The following STAR variants were observed in gnomAD, a reference collection of about 807,000 sequenced individuals.
The protein encoded by STAR is steroidogenic acute regulatory protein, also known as steroidogenic acute regulatory protein, mitochondrial.
STAR carries 32 observed loss-of-function variants against 32.3 expected under a neutral mutation model. That is an observed-to-expected ratio of 0.99 (90% CI 0.75 to 1.33). The LOEUF (loss-of-function observed/expected upper bound fraction) is 1.33. Among genes scored for constraint, STAR ranks in the 40% most tolerant of loss-of-function variants. The pLI is 0.00. For synonymous variants in STAR, 134 were observed against 140.5 expected, an observed-to-expected ratio of 0.95 and a Z score of 0.33; for missense variants, 375 against 379.0, an observed-to-expected ratio of 0.99 and a Z score of 0.09.
intron 6 of STAR, 23 bp downstream of exon 6, chr8:38,145,199 G>C (rs759689668): frequency 6.2e-7 from 1 of 1,613,780 alleles, no homozygotes; most frequent in African/African-American, 1.3e-5. Flanking sequence ...CTGCCTTCCA[G>C]GTCCCCCTCC....
chr8:38,145,791 C>T (rs1393319087), intron 5 of STAR, 172 bp downstream of exon 5: 1 of 795,128 alleles, frequency 1.3e-6, no homozygotes. Context: ...CAAGTAGGGC[C>T]TATCTTGTCT....
chr8:38,149,989 C>T (rs1364793813), intron 1 of STAR, among the ~76,000 whole-genome samples: 1 of 152,034 alleles, frequency 6.6e-6, no homozygotes, highest in Admixed American at 6.6e-5. Flanking sequence ...GGCGTGGTGG[C>T]ATGCACCTGT....
At position 38,148,191 on chromosome 8, in the gene STAR, G is replaced by T; in HGVS notation, c.306+9C>A. 6.2e-7 allele frequency: 1 copy of T among 1,613,842 alleles called. No individual in the cohort carries two copies. Among genetic ancestry groups the T allele is most frequent in the South Asian group, 1.1e-5 (1 of 90,986 alleles). On this transcript the variant is annotated intron_variant, in intron 3 of 6. Coordinates refer to ENST00000276449, the MANE Select transcript of STAR (RefSeq NM_000349.3). ...ATGGAGGAACCACAGGCTTCTCCCC[G>T]ACACTTACCTGCTGACTCTCCTTCT...
intron 6 of STAR, 133 bp from the exon 7 acceptor site, chr8:38,144,519 C>T (rs1179900383): frequency 2.6e-6 from 4 of 1,512,202 alleles, no homozygotes; most frequent in African/African-American, 1.4e-5. Flanking sequence ...TGGAGTTGCC[C>T]AGTCAAGGGC....
Position 38,146,070 on chromosome 8 carries a change from G to A in STAR, c.543C>T (p.Pro181=), listed in dbSNP as rs1300807840. The A allele has an allele frequency of 3.7e-6, 6 of 1,614,112 alleles. No homozygotes were observed. The East Asian group carries it at 6.7e-5, about 18-fold the overall frequency. The change falls in exon 5 of 7, where the codon CCC becomes CCT. Residue 181 remains proline, a synonymous_variant. Coordinates refer to ENST00000276449, the MANE Select transcript of STAR (RefSeq NM_000349.3). ...AAEAAGNLVG[P]RDFVSVRCAK... is the part of the protein sequence containing the mutation. ...CACAGCGCACGCTCACAAAGTCACG[G>A]GGCCCCACCAGGTTTCCTGCTGCCT...
At chr8:38,149,055 A>C (rs564647421) in intron 1 of STAR, 1 of 413,322 alleles carries the variant, frequency 2.4e-6, no homozygotes, top group South Asian at 2.3e-5. Flanking sequence ...AGCTGTGTTC[A>C]AGCAACCAGA....
intron 3 of STAR, among the ~76,000 whole-genome samples, chr8:38,146,886 A>C (rs1012592986): frequency 6.6e-6 from 1 of 151,890 alleles, no homozygotes; most frequent in African/African-American, 2.4e-5. Flanking sequence ...GAAGCCTGGA[A>C]CTGTCCTAAG....
intron 1 of STAR, chr8:38,149,161 G>A: frequency 8.3e-6 from 2 of 240,536 alleles, no homozygotes; most frequent in South Asian, 5.5e-5. Flanking sequence ...TGAGGTCTGT[G>A]TGCTTGCCAG....
Position 38,145,579 on chromosome 8 carries a change from A to G in STAR, c.651-264T>C, listed in dbSNP as rs1008022846. 14 of 579,350 alleles carry G rather than the reference A, an allele frequency of 2.4e-5. No individual in the cohort carries two copies. In the African/African-American group the frequency reaches 2.4e-4, roughly 10 times the overall value. The allele number at this position is 579,350 out of a possible 1,614,324, so 35.9% of individuals were successfully genotyped here. Reference sequence around the variant, plus strand: ...GGATTACTGGGATGTCAGGGAAAGGATTCAGGCTGGTGGCTGGGCTGGGGC... The same window carrying G: ...GGATTACTGGGATGTCAGGGAAAGGGTTCAGGCTGGTGGCTGGGCTGGGGC... On this transcript the variant is annotated intron_variant, in intron 5 of 6. Coordinates refer to ENST00000276449, the MANE Select transcript of STAR (RefSeq NM_000349.3).
intron 1 of STAR, chr8:38,149,213 T>G (rs183534603): frequency 4.8e-6 from 1 of 208,160 alleles, no homozygotes; most frequent in East Asian, 1.2e-4. Flanking sequence ...GTCTGTGTGC[T>G]TGCATGCATA....
chr8:38,145,680 T>G (rs577867662), intron 5 of STAR: 60 of 571,774 alleles, frequency 1.0e-4, no homozygotes, highest in African/African-American at 1.0e-3. Flanking sequence ...TTACAGCTGT[T>G]CCTGAGCGTA....
At chr8:38,145,110 C>T in intron 6 of STAR, 112 bp downstream of exon 6, 2 of 1,556,308 alleles carry the variant, frequency 1.3e-6, no homozygotes, top group Admixed American at 3.8e-5. Context: ...GTCTTACAGC[C>T]TGTGATTCTA....
rs201419375 is a variant in STAR at position 38,146,381 on chromosome 8, C to T, written c.373G>A (p.Val125Met). The change falls in exon 4 of 7, where the codon GTG becomes ATG. Residue 125 changes from valine (V) to methionine (M), a missense_variant. Physicochemically the swap from Val to Met is conservative, Grantham distance 21 (BLOSUM62 1). Transcript: ENST00000276449. ...AGCCTCTCCATGGGCTGGTCCACCA[C>T]GACCTCCAGCCGGAACACCTTGCCC... Reference protein sequence around the residue: ...DVGKVFRLEVVVDQPMERLYE... With the variant: ...DVGKVFRLEVMVDQPMERLYE... The T allele has an allele frequency of 6.6e-5, 106 of 1,614,138 alleles. No homozygotes were observed. Among genetic ancestry groups the T allele is most frequent in the Non-Finnish European group, 8.1e-5 (95 of 1,180,040 alleles).
chr8:38,145,204 C>G lies in STAR; in HGVS notation c.744+18G>C. ...TCACTACCACCTGCCTTCCAGGTCC[C>G]CCTCCCATGCCCTTCACCTTGAGGT... On this transcript the variant is annotated intron_variant, in intron 6 of 6. Transcript: ENST00000276449. The G allele has an allele frequency of 6.2e-7, 1 of 1,614,054 alleles. No homozygotes were observed. Among genetic ancestry groups the G allele is most frequent in the Non-Finnish European group, 8.5e-7 (1 of 1,180,002 alleles).
At chr8:38,147,913 G>A (rs1802601544) in intron 3 of STAR, among the ~76,000 whole-genome samples, 1 of 152,210 alleles carries the variant, frequency 6.6e-6, no homozygotes, top group Non-Finnish European at 1.5e-5. Flanking sequence ...GGCACTTGGA[G>A]TTCCCCTTGC....
At chr8:38,147,164 T>A (rs537233493) in intron 3 of STAR, among the ~76,000 whole-genome samples, 205 of 152,074 alleles carry the variant, frequency 1.3e-3, no homozygotes, top group Non-Finnish European at 1.4e-3. Flanking sequence ...ATTTTTAAAT[T>A]TTTTGTAGAG....
At chr8:38,145,528 G>A in intron 5 of STAR, 1 of 659,356 alleles carries the variant, frequency 1.5e-6, no homozygotes, top group South Asian at 1.8e-5. Context: ...AGCAGCCCCT[G>A]CGGCCTCTTG....
At chr8:38,150,323 C>T (rs1471256017) in intron 1 of STAR, among the ~76,000 whole-genome samples, 1 of 151,596 alleles carries the variant, frequency 6.6e-6, no homozygotes, top group Non-Finnish European at 1.5e-5. Context: ...GGCTTGAGCC[C>T]ATGAGTTTGA....
intron 1 of STAR, among the ~76,000 whole-genome samples, chr8:38,150,465 A>G (rs888035141): frequency 1.1e-4 from 17 of 151,834 alleles, no homozygotes; most frequent in South Asian, 2.1e-4. Context: ...AGAAAGGAAG[A>G]AAGAAAGGAA....
Sources: gnomAD v4.1 joint callset for allele counts (sites outside exome capture counted in the v4.1 genomes callset) on GRCh38, gnomAD v4.1.1 for gene constraint, MANE v1.5 for transcripts, NCBI Gene and HGNC (gene_info 2026-07-23, HGNC 2026-07-21) for gene names.